Variants in JDP2 observed in about 807,000 individuals in gnomAD.
JDP2 encodes Jun dimerization protein 2.
JDP2 carries 9 observed loss-of-function variants against 17.1 expected under a neutral mutation model. The observed-to-expected ratio is 0.53, with a 90% CI of 0.32 to 0.92. The LOEUF is 0.92. JDP2 is among the 40% of genes least tolerant of loss of function. The probability of loss-of-function intolerance (pLI) is 0.04; values close to 1 mark genes in which losing one functional copy is unlikely to be tolerated. For synonymous variants in JDP2, 107 were observed against 95.6 expected (o/e 1.12, Z -0.69); for missense variants, 179 against 220.0 (o/e 0.81, Z 1.18).
At chr14:75,456,494 T>C (rs1271370629) in intron 2 of JDP2, among the ~76,000 whole-genome samples, 10 of 152,216 alleles carry the variant, frequency 6.6e-5, no homozygotes, top group Non-Finnish European at 1.5e-5. Flanking sequence ...GTGCTGACCC[T>C]GCACTTGCTT....
intron 2 of JDP2, among the ~76,000 whole-genome samples, chr14:75,452,056 C>G (rs1385977390): frequency 6.6e-6 from 1 of 152,200 alleles, no homozygotes; most frequent in Non-Finnish European, 1.5e-5. Context: ...GTGGCTGGGA[C>G]TACTGGTGTA....
intron 1 of JDP2, 76 bp from the exon 2 acceptor site, chr14:75,437,821 TG>T: frequency 9.9e-7 from 1 of 1,006,832 alleles, no homozygotes; most frequent in Non-Finnish European, 1.4e-6. Flanking sequence ...GCCACAGTCC[TG>T]GCAAGACGAG....
intron 3 of JDP2, among the ~76,000 whole-genome samples, chr14:75,464,192 ACAGT>A (rs1380189396): frequency 1.3e-5 from 2 of 152,198 alleles, no homozygotes; most frequent in Non-Finnish European, 2.9e-5. Context: ...GGCTGTGTTG[ACAGT>A]CAGTGCCTGC....
intron 3 of JDP2, among the ~76,000 whole-genome samples, 194 bp from the exon 4 acceptor site, chr14:75,469,096 C>G (rs1886694854): frequency 6.6e-6 from 1 of 152,238 alleles, no homozygotes; most frequent in South Asian, 2.1e-4. Context: ...ATGACACAGG[C>G]CAGTGTCACC....
intron 2 of JDP2, chr14:75,445,438 C>T: frequency 2.0e-6 from 2 of 985,396 alleles, no homozygotes; most frequent in South Asian, 9.4e-5. Flanking sequence ...CTCTGACAAA[C>T]TCCTCCGTGG....
intron 2 of JDP2, among the ~76,000 whole-genome samples, chr14:75,443,094 T>C (rs79631826): frequency 8.9e-4 from 135 of 152,082 alleles, no homozygotes; most frequent in African/African-American, 3.2e-3. Flanking sequence ...CTGGAGAACA[T>C]TGAGAGGGTT....
intron 3 of JDP2, among the ~76,000 whole-genome samples, chr14:75,465,387 AGTAG>A (rs1886526871): frequency 6.6e-6 from 1 of 152,220 alleles, no homozygotes; most frequent in African/African-American, 2.4e-5. Context: ...GCTGGAGTGC[AGTAG>A]CATAGTCATA....
intron 2 of JDP2, among the ~76,000 whole-genome samples, chr14:75,455,609 C>T (rs1282193872): frequency 6.6e-6 from 1 of 152,166 alleles, no homozygotes; most frequent in Non-Finnish European, 1.5e-5. Context: ...TGATCCCTCC[C>T]TGCTGGGCAC....
chr14:75,432,424 C>A, intron 1 of JDP2: 2 of 1,289,274 alleles, frequency 1.6e-6, no homozygotes, highest in Non-Finnish European at 2.2e-6. Context: ...TCCTGGGAAT[C>A]TTCCCAGGCT....
At position 75,460,067 on chromosome 14, in the gene JDP2, G is replaced by A. The variant is rs146802620; in HGVS notation, c.202-1359G>A. ...TGATGGTGAGGATTAAATGACATGT[G>A]TTTAAAGCATTTATCAAAGTAGGCA... On this transcript the variant is annotated intron_variant, in intron 2 of 3. Transcript: ENST00000651602. 7.6e-3 allele frequency among the ~76,000 whole-genome samples: 1,154 copies of A among 152,334 alleles called. 13 individuals are homozygous for A. The highest frequency in any genetic ancestry group is 0.026 in the African/African-American group (1,079 of 41,572).
chr14:75,451,751 G>A (rs1343565446), intron 2 of JDP2, among the ~76,000 whole-genome samples: 1 of 152,156 alleles, frequency 6.6e-6, no homozygotes, highest in African/African-American at 2.4e-5. Context: ...AGCCTCCCAG[G>A]AGGATGGACC....
intron 3 of JDP2, among the ~76,000 whole-genome samples, chr14:75,468,401 G>A (rs971041713): frequency 2.6e-5 from 4 of 152,104 alleles, no homozygotes. Flanking sequence ...GCTGGCCCTC[G>A]AATAAATGCC....
rs1886766811 is a variant in JDP2 at position 75,470,265 on chromosome 14, G to C, written c.*790G>C. Reference sequence around the variant, plus strand: ...TTCTATAATCACTCGATGTGATACAGTATAAATATGCTATGGTTTGTTTGT... The same window carrying C: ...TTCTATAATCACTCGATGTGATACACTATAAATATGCTATGGTTTGTTTGT... On this transcript the variant is annotated 3_prime_UTR_variant, in exon 4 of 4. Coordinates refer to ENST00000651602, the MANE Select transcript of JDP2 (RefSeq NM_001135048.2). 1.4e-5 allele frequency: 2 copies of C among 148,102 alleles called. No homozygotes were observed. Among genetic ancestry groups the C allele is most frequent in the African/African-American group, 5.0e-5 (2 of 39,720 alleles). 9.2% of individuals were successfully genotyped at this position (148,102 alleles called of 1,614,324 possible).
At chr14:75,453,022 G>T (rs1386673669) in intron 2 of JDP2, among the ~76,000 whole-genome samples, 2 of 152,056 alleles carry the variant, frequency 1.3e-5, no homozygotes, top group Non-Finnish European at 2.9e-5. Flanking sequence ...CCTGGCCCCT[G>T]CAGGCTGCCG....
chr14:75,458,026 T>G (rs1886192096), intron 2 of JDP2, among the ~76,000 whole-genome samples: 1 of 152,170 alleles, frequency 6.6e-6, no homozygotes, highest in South Asian at 2.1e-4. Context: ...AGTGCCACAC[T>G]CTGTACCAGG....
At chr14:75,431,042 T>TA (rs960977252) in intron 1 of JDP2, among the ~76,000 whole-genome samples, 7 of 151,818 alleles carry the variant, frequency 4.6e-5, no homozygotes, top group South Asian at 2.1e-4. Flanking sequence ...TGGCATTTTT[T>TA]AAAAAAAAGA....
At chr14:75,460,762 G>A (rs1189311597) in intron 2 of JDP2, among the ~76,000 whole-genome samples, 1 of 152,214 alleles carries the variant, frequency 6.6e-6, no homozygotes, top group Non-Finnish European at 1.5e-5. Context: ...GAGGGACCCT[G>A]GGGGCAGAAG....
intron 1 of JDP2, among the ~76,000 whole-genome samples, chr14:75,433,918 G>A (rs973795594): frequency 4.6e-5 from 7 of 152,156 alleles, no homozygotes; most frequent in African/African-American, 1.7e-4. Flanking sequence ...GAGACACTGA[G>A]GATGTTTATC....
chr14:75,451,390 T>C (rs973306993), intron 2 of JDP2, among the ~76,000 whole-genome samples: 7 of 147,086 alleles, frequency 4.8e-5, no homozygotes, highest in African/African-American at 1.8e-4. Context: ...AAATTGGAGA[T>C]AACAAGAGGG....
Sources: gnomAD v4.1 joint callset for allele counts (sites outside exome capture counted in the v4.1 genomes callset) on GRCh38, gnomAD v4.1.1 for gene constraint, MANE v1.5 for transcripts, NCBI Gene and HGNC (gene_info 2026-07-23, HGNC 2026-07-21) for gene names.